Variants in NRG3 observed in about 807,000 individuals in gnomAD.
NRG3 encodes pro-neuregulin-3, membrane-bound isoform.
In NRG3, 31 loss-of-function variants were observed where a neutral mutation model predicts 66.9. The ratio of observed to expected loss-of-function variants is 0.46; its 90% CI spans 0.35 to 0.63. The LOEUF is 0.63. Among genes scored for constraint, NRG3 ranks in the 20% least tolerant of loss-of-function variants. The pLI is 0.00. For missense variants in NRG3, 910 were observed against 878.9 expected, an observed-to-expected ratio of 1.04 and a Z score of -0.45; for synonymous variants, 393 against 359.4, an observed-to-expected ratio of 1.09 and a Z score of -1.06.
chr10:82,714,940 T>TA (rs1316080394), intron 2 of NRG3, among the ~76,000 whole-genome samples: 2 of 152,140 alleles, frequency 1.3e-5, no homozygotes, highest in Non-Finnish European at 2.9e-5. Flanking sequence ...AAATGAAAAA[T>TA]AAAAATCACT....
intron 2 of NRG3, among the ~76,000 whole-genome samples, chr10:82,421,499 T>C (rs1300852161): frequency 1.3e-5 from 2 of 152,096 alleles, no homozygotes; most frequent in East Asian, 3.9e-4. Flanking sequence ...TGCACTCAGT[T>C]ACCAAAAAAA....
At chr10:82,286,243 G>A (rs2079411484) in intron 1 of NRG3, among the ~76,000 whole-genome samples, 1 of 152,134 alleles carries the variant, frequency 6.6e-6, no homozygotes, top group South Asian at 2.1e-4. Flanking sequence ...ACCTGAGTTT[G>A]GGGTAAGTTT....
chr10:81,971,277 A>G (rs1589642622), intron 1 of NRG3, among the ~76,000 whole-genome samples: 1 of 152,228 alleles, frequency 6.6e-6, no homozygotes, highest in South Asian at 2.1e-4. Context: ...TCTGTTGGAC[A>G]TGTGGGTATG....
chr10:82,980,805 C>T (rs769455074), intron 8 of NRG3, among the ~76,000 whole-genome samples: 2 of 152,086 alleles, frequency 1.3e-5, no homozygotes, highest in African/African-American at 2.4e-5. Flanking sequence ...ATGTATAATG[C>T]GAGTCAAGAA....
chr10:82,225,249 A>G (rs2076113052), intron 1 of NRG3: 1 of 152,220 alleles, frequency 6.6e-6, no homozygotes, highest in Non-Finnish European at 1.5e-5. Flanking sequence ...ACCTAAAATC[A>G]GTTGAATATC....
Position 81,875,464 on chromosome 10 carries a change from G to A in NRG3, c.124G>A (p.Gly42Ser). 1.6e-6 allele frequency: 2 copies of A among 1,250,532 alleles called. No individual in the cohort carries two copies. The highest frequency in any genetic ancestry group is 6.2e-5 in the East Asian group (2 of 32,208). 77.5% of individuals were successfully genotyped at this position (1,250,532 alleles called of 1,614,324 possible). A position where few individuals can be genotyped will look rare whatever the true frequency, so the allele number is the denominator to read the frequency against. The stretch of plus-strand genomic sequence containing the variant: ...GGCGGGCGGGGGCCCGGACGGCGGC[G>A]GCGAAGGGGCGGCCGAGCCCCCCCG... ...AAAGGGPDGGGEGAAEPPREL... is the reference protein window; with the variant it reads ...AAAGGGPDGGSEGAAEPPREL... Residue 42 changes from glycine to serine, a missense_variant, in exon 1 of 9, where the codon GGC (glycine) becomes AGC (serine). By Grantham distance (56) the Gly-to-Ser change is moderately conservative (BLOSUM62 0). Transcript: ENST00000372141. This position sits in a 1 kb window ranked among gnomAD's most constrained non-coding sequence, Gnocchi z 5.3.
intron 2 of NRG3, among the ~76,000 whole-genome samples, chr10:82,495,950 C>G (rs371140673): frequency 1.3e-5 from 2 of 151,954 alleles, no homozygotes; most frequent in East Asian, 3.9e-4. Context: ...TTTGAAGGCT[C>G]CAGAGGACAA....
intron 1 of NRG3, among the ~76,000 whole-genome samples, chr10:82,086,840 T>A (rs2065756976): frequency 2.0e-5 from 3 of 151,830 alleles, no homozygotes; most frequent in Admixed American, 1.3e-4. Context: ...GGTAGAAATA[T>A]TTGGTGTTAT....
At chr10:82,661,297 G>T (rs1470047046) in intron 2 of NRG3, among the ~76,000 whole-genome samples, 1 of 151,914 alleles carries the variant, frequency 6.6e-6, no homozygotes, top group Non-Finnish European at 1.5e-5. Context: ...CTTCTCCCCA[G>T]TCCCTGAATA....
chr10:82,166,401 T>G (rs368349778), intron 1 of NRG3, among the ~76,000 whole-genome samples: 2 of 152,158 alleles, frequency 1.3e-5, no homozygotes, highest in African/African-American at 4.8e-5. Flanking sequence ...TTAGTAGCTG[T>G]TTTAGGATTT....
rs187107250 is a variant in NRG3, at chr10:82,279,189, C to T, written c.824-79550C>T. ...TGGAGATGTCATTACCAAATAAAGC[C>T]TTCTAGGCAGCAGCGCCCATGCTGG... On this transcript the variant is annotated intron_variant, in intron 1 of 8. Coordinates refer to ENST00000372141, the MANE Select transcript of NRG3 (RefSeq NM_001010848.4). Among the ~76,000 whole-genome samples the T allele has an allele frequency of 2.5e-3, 387 of 152,120 alleles. 2 individuals carry two copies. Among genetic ancestry groups the T allele is most frequent in the South Asian group, 0.015 (72 of 4,830 alleles).
Position 82,958,936 on chromosome 10 carries a change from T to C in NRG3, c.1158-13T>C, listed in dbSNP as rs769551252. 4.5e-6 allele frequency: 7 copies of C among 1,560,784 alleles called. No homozygotes were observed. In the Admixed American group the frequency reaches 1.0e-4, roughly 23 times the overall value. On this transcript the variant is annotated splice_polypyrimidine_tract_variant and intron_variant, in intron 5 of 8. Transcript: ENST00000372141. ...TCATGCAAATATTTGTACACGTTTATTTATGCCTGCAGGAAACAAGCTAAA... is the reference window on the plus strand; with the variant it reads ...TCATGCAAATATTTGTACACGTTTACTTATGCCTGCAGGAAACAAGCTAAA...
intron 1 of NRG3, among the ~76,000 whole-genome samples, chr10:82,216,374 A>T (rs2075675691): frequency 6.6e-6 from 1 of 151,946 alleles, no homozygotes; most frequent in Admixed American, 6.6e-5. Flanking sequence ...ATGACCTTGC[A>T]ATTTGATATA....
At chr10:82,060,789 G>A (rs1469237569) in intron 1 of NRG3, among the ~76,000 whole-genome samples, 1 of 152,158 alleles carries the variant, frequency 6.6e-6, no homozygotes, top group Non-Finnish European at 1.5e-5. Context: ...TAGAAGGTGG[G>A]AAGACCTGCA....
chr10:82,776,867 C>A (rs1278286088), intron 3 of NRG3, among the ~76,000 whole-genome samples: 1 of 151,984 alleles, frequency 6.6e-6, no homozygotes, highest in Non-Finnish European at 1.5e-5. Context: ...TCTTGTATAT[C>A]ATGAATTCCC....
intron 3 of NRG3, among the ~76,000 whole-genome samples, chr10:82,746,394 G>A (rs936062062): frequency 6.6e-6 from 1 of 152,116 alleles, no homozygotes; most frequent in African/African-American, 2.4e-5. Context: ...CTCCCAGGGG[G>A]CCTGTTCAGC....
chr10:82,669,695 G>A (rs1021741307), intron 2 of NRG3, among the ~76,000 whole-genome samples: 8 of 152,130 alleles, frequency 5.3e-5, no homozygotes, highest in African/African-American at 1.9e-4. Context: ...TTGGGAGGCC[G>A]AGGCGGGTGG....
intron 2 of NRG3, among the ~76,000 whole-genome samples, chr10:82,648,548 C>T (rs1182016238): frequency 6.6e-6 from 1 of 152,128 alleles, no homozygotes; most frequent in Non-Finnish European, 1.5e-5. Context: ...TGAAGAAAGT[C>T]ATTGGTAGCT....
At chr10:81,984,465 A>G (rs1430773717) in intron 1 of NRG3, among the ~76,000 whole-genome samples, 1 of 152,186 alleles carries the variant, frequency 6.6e-6, no homozygotes, top group East Asian at 1.9e-4. Flanking sequence ...TCAGTTTCCA[A>G]ATGGTATCTC....
Sources: allele counts gnomAD v4.1 joint callset (sites outside exome capture counted in the v4.1 genomes callset), GRCh38; gene constraint gnomAD v4.1.1; non-coding constraint Gnocchi (gnomAD v3.1); transcripts MANE v1.5; gene names NCBI Gene and HGNC (gene_info 2026-07-23, HGNC 2026-07-21).